The following PHACTR2 variants were observed in gnomAD, a reference collection of about 807,000 sequenced individuals.
The protein encoded by PHACTR2 is chromosome 6 open reading frame 56.
PHACTR2 carries 30 observed loss-of-function variants against 76.0 expected under a neutral mutation model. The observed-to-expected ratio is 0.39, with a 90% confidence interval of 0.30 to 0.54. The LOEUF (loss-of-function observed/expected upper bound fraction) is 0.54, where lower values mean the gene tolerates loss of function less well. Ranked by LOEUF, PHACTR2 falls within the 20% of genes least tolerant of loss-of-function variation. PHACTR2 has a pLI of 0.61. For synonymous variants in PHACTR2, 292 were observed against 292.5 expected, an observed-to-expected ratio of 1.00 and a Z score of 0.02; for missense variants, 696 against 781.1, an observed-to-expected ratio of 0.89 and a Z score of 1.30.
intron 2 of PHACTR2, among the ~76,000 whole-genome samples, chr6:143,732,021 T>C (rs1213753381): frequency 1.3e-5 from 2 of 152,236 alleles, no homozygotes; most frequent in Admixed American, 1.3e-4. Context: ...ACCAACTGCC[T>C]TATCTCCTTC....
At position 143,623,321 on chromosome 6, in the gene PHACTR2, A is replaced by C. The variant is rs1306965252; in HGVS notation, c.13+14999A>C. Among the ~76,000 whole-genome samples the C allele has an allele frequency of 6.6e-6, 1 of 152,206 alleles. No homozygotes were observed. The highest frequency in any genetic ancestry group is 1.5e-5 in the Non-Finnish European group (1 of 68,034). ...TATGGAGAGAGAAAAAAATGTCATC[A>C]TAATACCCAAATGAAGGCCCAGGTG... is the stretch of plus-strand genomic sequence containing the variant. On this transcript the variant is annotated intron_variant, in intron 1 of 11. Coordinates refer to the PHACTR2 transcript ENST00000305766. The surrounding 1 kb of genome is among the most constrained non-coding windows in gnomAD (Gnocchi z 5.9).
In PHACTR2 at chr6:143,783,005, ATGTGTGTG is replaced by A. The variant is rs144077213; in HGVS notation, c.1646-190_1646-183del. On this transcript the variant is annotated intron_variant, in intron 9 of 12. Transcript: ENST00000440869. The surrounding 1 kb of genome is among the most constrained non-coding windows in gnomAD (Gnocchi z 5.2). ...AGCAAACCAGTCCTACAAAAAAAGC[ATGTGTGTG>A]TGTGTGTGTGTGTGTGTGTGTGTAT... Among the ~76,000 whole-genome samples, 3 of 146,136 alleles carry A rather than the reference ATGTGTGTG, an allele frequency of 2.1e-5. No homozygotes were observed. The highest frequency in any genetic ancestry group is 5.1e-5 in the African/African-American group (2 of 39,502).
At position 143,757,075 on chromosome 6, in the gene PHACTR2, G is replaced by A. The variant is rs1013727967; in HGVS notation, c.454+3163G>A. Among the ~76,000 whole-genome samples, 2 of 151,974 alleles carry A rather than the reference G, an allele frequency of 1.3e-5. No individual in the cohort carries two copies. The highest frequency in any genetic ancestry group is 4.8e-5 in the African/African-American group (2 of 41,376). On this transcript the variant is annotated intron_variant, in intron 4 of 12. Coordinates refer to ENST00000440869, the MANE Select transcript of PHACTR2 (RefSeq NM_001100164.2). This position sits in a 1 kb window ranked among gnomAD's most constrained non-coding sequence, Gnocchi z 4.2. ...AAATAATAATAATTTTAAATAATAAGATTTTATAAGAATTCTAAGAAATCT... is the reference window on the plus strand; with the variant it reads ...AAATAATAATAATTTTAAATAATAAAATTTTATAAGAATTCTAAGAAATCT...
chr6:143,771,477 C>A (rs569184678), intron 6 of PHACTR2, among the ~76,000 whole-genome samples: 37 of 151,296 alleles, frequency 2.4e-4, no homozygotes, highest in African/African-American at 8.0e-4. Context: ...GCTCTTGTTG[C>A]CCAGGCTGGA....
rs1298357030 is a variant in PHACTR2, at chr6:143,578,527, A to G, written c.217+41320A>G. ...AATGCAGCCCATACCCTGCTTGCCA[A>G]GCTGGGTACAAAATCACTCCTGCCA... On this transcript the variant is annotated intron_variant, in intron 1 of 11. Coordinates refer to the PHACTR2 transcript ENST00000367584. The surrounding 1 kb of genome is among the most constrained non-coding windows in gnomAD (Gnocchi z 4.5). Among the ~76,000 whole-genome samples, 4 of 152,126 alleles carry G rather than the reference A, an allele frequency of 2.6e-5. No homozygotes were observed. Among genetic ancestry groups the G allele is most frequent in the Non-Finnish European group, 4.4e-5 (3 of 68,012 alleles).
intron 1 of PHACTR2, among the ~76,000 whole-genome samples, chr6:143,701,427 A>G (rs928794251): frequency 2.0e-5 from 3 of 152,260 alleles, no homozygotes; most frequent in Admixed American, 1.3e-4. Context: ...GCCTGCCGCC[A>G]GCGTGAAATT....
chr6:143,797,331 T>C (rs1401344865), intron 11 of PHACTR2, among the ~76,000 whole-genome samples: 1 of 152,230 alleles, frequency 6.6e-6, no homozygotes, highest in Non-Finnish European at 1.5e-5. Context: ...GATGAATAGA[T>C]TGCAAAAATT....
rs552542778 is a variant in PHACTR2, at chr6:143,732,555, C to T, written c.215-16430C>T. On this transcript the variant is annotated intron_variant, in intron 2 of 12. Transcript: ENST00000440869. ...ACGTTGGGTTTCTTTCTATTGGCGG[C>T]TATTATGAATAATGTTGCTGTGTGC... Among the ~76,000 whole-genome samples the T allele has an allele frequency of 4.3e-4, 66 of 152,212 alleles. No individual in the cohort carries two copies. In the Middle Eastern group the frequency reaches 0.01, roughly 24 times the overall value.
intron 12 of PHACTR2, among the ~76,000 whole-genome samples, chr6:143,810,773 A>T (rs1339816334): frequency 6.6e-5 from 10 of 152,040 alleles, no homozygotes; most frequent in Admixed American, 3.3e-4. Flanking sequence ...TGGAGGCTGC[A>T]GTGAGGCATG....
chr6:143,616,716 T>C lies in PHACTR2; in HGVS notation c.13+8394T>C, dbSNP rs1379097161. On this transcript the variant is annotated intron_variant, in intron 1 of 11. Coordinates refer to the PHACTR2 transcript ENST00000305766. This position sits in a 1 kb window ranked among gnomAD's most constrained non-coding sequence, Gnocchi z 4.9. ...AAATGCTTGGGGTTGTGATCAGTGC[T>C]GCTAAGTTAATCAACTGGTATTTGG... 6.6e-6 allele frequency among the ~76,000 whole-genome samples: 1 copy of C among 152,198 alleles called. No individual in the cohort carries two copies. Among genetic ancestry groups the C allele is most frequent in the Non-Finnish European group, 1.5e-5 (1 of 68,036 alleles).
chr6:143,717,358 A>AG (rs1436180901), intron 2 of PHACTR2, among the ~76,000 whole-genome samples: 6 of 152,048 alleles, frequency 3.9e-5, no homozygotes, highest in African/African-American at 1.4e-4. Context: ...GTTTATTTTA[A>AG]CTTGTTTTCT....
At chr6:143,575,650 A>G (rs1775497576) in intron 1 of PHACTR2, among the ~76,000 whole-genome samples, 1 of 152,258 alleles carries the variant, frequency 6.6e-6, no homozygotes, top group Non-Finnish European at 1.5e-5. Flanking sequence ...CTATAAATGT[A>G]TTGTTTGAAT....
intron 1 of PHACTR2, among the ~76,000 whole-genome samples, chr6:143,577,668 A>G (rs9496682): frequency 0.62 from 93,851 of 151,864 alleles, 29,315 homozygotes; most frequent in Middle Eastern, 0.76. Context: ...AGACATTTGA[A>G]CTACAGCCTC....
At chr6:143,726,809 CT>C (rs1778583583) in intron 2 of PHACTR2, among the ~76,000 whole-genome samples, 1 of 152,022 alleles carries the variant, frequency 6.6e-6, no homozygotes. Context: ...TGATGTTGAA[CT>C]TTTTTATTGA....
At chr6:143,725,377 T>A (rs1356487254) in intron 2 of PHACTR2, among the ~76,000 whole-genome samples, 7 of 150,998 alleles carry the variant, frequency 4.6e-5, no homozygotes, top group African/African-American at 1.7e-4. Flanking sequence ...ATTTTTTGTA[T>A]TTTTAGTAGA....
Position 143,788,891 on chromosome 6 carries a change from G to C in PHACTR2, c.1826G>C (p.Arg609Thr). The stretch of plus-strand genomic sequence containing the variant: ...CGCCGAGCAGACAAGCCCTGGGCCA[G>C]GTTAACACCTGCAGACAAGGCAAGA... ...YDRRADKPWARLTPADKAAIR... is the reference protein window; with the variant it reads ...YDRRADKPWATLTPADKAAIR... Residue 609 changes from arginine (R) to threonine (T), a missense_variant, in exon 11 of 13, where the codon AGG becomes ACG. Arg to Thr is a moderately conservative substitution (Grantham distance 71). Coordinates refer to ENST00000440869, the MANE Select transcript of PHACTR2 (RefSeq NM_001100164.2). 1 of 1,611,604 alleles carries C rather than the reference G, an allele frequency of 6.2e-7. No individual in the cohort carries two copies. The highest frequency in any genetic ancestry group is 8.5e-7 in the Non-Finnish European group (1 of 1,178,018).
chr6:143,649,337 T>A (rs1776716099), intron 1 of PHACTR2, among the ~76,000 whole-genome samples: 1 of 152,128 alleles, frequency 6.6e-6, no homozygotes, highest in Non-Finnish European at 1.5e-5. Flanking sequence ...ACTAACTAAT[T>A]CTATGAGGCC....
intron 1 of PHACTR2, among the ~76,000 whole-genome samples, chr6:143,628,029 T>C (rs2128441402): frequency 6.6e-6 from 1 of 152,352 alleles, no homozygotes; most frequent in East Asian, 1.9e-4. Flanking sequence ...TTCTTATAAA[T>C]GGAATCATAA....
At position 143,549,901 on chromosome 6, in the gene PHACTR2, C is replaced by A. The variant is rs936190705; in HGVS notation, c.217+12694C>A. Among the ~76,000 whole-genome samples, 1 of 151,944 alleles carries A rather than the reference C, an allele frequency of 6.6e-6. No individual in the cohort carries two copies. Among genetic ancestry groups the A allele is most frequent in the African/African-American group, 2.4e-5 (1 of 41,408 alleles). The stretch of plus-strand genomic sequence containing the variant: ...CTTAATCCTAGGTTGTGGTTTTCAG[C>A]CATGATCACTTTGCTGCACTGTTAA... On this transcript the variant is annotated intron_variant, in intron 1 of 11. Transcript: ENST00000367584. This position sits in a 1 kb window ranked among gnomAD's most constrained non-coding sequence, Gnocchi z 4.2.
Sources: allele counts gnomAD v4.1 joint callset (sites outside exome capture counted in the v4.1 genomes callset), GRCh38; gene constraint gnomAD v4.1.1; non-coding constraint Gnocchi (gnomAD v3.1); transcripts MANE v1.5; gene names NCBI Gene and HGNC (gene_info 2026-07-23, HGNC 2026-07-21).